The following TAFA1 variants were observed in gnomAD, a reference collection of about 807,000 sequenced individuals.
The protein encoded by TAFA1 is chemokine-like protein TAFA-1.
A neutral mutation model predicts 18.5 loss-of-function variants in TAFA1; 4 were observed. The observed-to-expected ratio is 0.22, with a 90% CI of 0.11 to 0.49. The LOEUF (loss-of-function observed/expected upper bound fraction) is 0.49. TAFA1 is among the 20% of genes least tolerant of loss of function. TAFA1 has a pLI of 0.98. For missense variants in TAFA1, 147 were observed against 169.0 expected (o/e 0.87, Z 0.72); for synonymous variants, 56 against 55.2 (o/e 1.01, Z -0.06).
At chr3:68,265,708 G>A (rs1412498874) in intron 2 of TAFA1, among the ~76,000 whole-genome samples, 1 of 152,178 alleles carries the variant, frequency 6.6e-6, no homozygotes, top group Non-Finnish European at 1.5e-5. Flanking sequence ...GCTCATTACA[G>A]AACTGGCGCA....
chr3:68,262,898 A>G (rs2067464365), intron 2 of TAFA1, among the ~76,000 whole-genome samples: 2 of 152,160 alleles, frequency 1.3e-5, no homozygotes, highest in Admixed American at 1.3e-4. Flanking sequence ...TAAATGTTGT[A>G]CGCATTTTAA....
At chr3:68,284,318 C>T (rs186560413) in intron 2 of TAFA1, among the ~76,000 whole-genome samples, 1 of 151,932 alleles carries the variant, frequency 6.6e-6, no homozygotes, top group African/African-American at 2.4e-5. Context: ...ATCAGAATGG[C>T]CAAAATATAA....
chr3:68,082,168 C>T (rs1028460041), intron 2 of TAFA1, among the ~76,000 whole-genome samples: 42 of 143,480 alleles, frequency 2.9e-4, no homozygotes, highest in African/African-American at 6.3e-4. Context: ...CACCCTGCTT[C>T]GGCTCGCGCA....
intron 2 of TAFA1, among the ~76,000 whole-genome samples, chr3:68,398,664 A>G (rs2070431225): frequency 6.6e-6 from 1 of 152,138 alleles, no homozygotes; most frequent in Admixed American, 6.6e-5. Context: ...GTTGAAATTT[A>G]TGTATTTTTT....
At chr3:68,295,556 G>T (rs1472568778) in intron 2 of TAFA1, among the ~76,000 whole-genome samples, 1 of 152,088 alleles carries the variant, frequency 6.6e-6, no homozygotes, top group East Asian at 1.9e-4. Flanking sequence ...GAGAAAGAAG[G>T]AAAGGAGAGA....
chr3:68,336,743 G>A (rs1220784447), intron 2 of TAFA1, among the ~76,000 whole-genome samples: 3 of 152,146 alleles, frequency 2.0e-5, no homozygotes, highest in Non-Finnish European at 4.4e-5. Flanking sequence ...TTTATTTATT[G>A]AGATGGAGTT....
chr3:68,148,955 G>A (rs1158076336), intron 2 of TAFA1, among the ~76,000 whole-genome samples: 1 of 152,128 alleles, frequency 6.6e-6, no homozygotes, highest in Non-Finnish European at 1.5e-5. Flanking sequence ...ATACATAAAA[G>A]AAATTTTTAA....
At chr3:68,247,396 CTGG>C (rs2107150018) in intron 2 of TAFA1, 1 of 152,332 alleles carries the variant, frequency 6.6e-6, no homozygotes, top group Admixed American at 6.5e-5. Context: ...AGTTCCAGCT[CTGG>C]TGAACTCCAG....
At chr3:68,427,844 C>G (rs1240087595) in intron 3 of TAFA1, among the ~76,000 whole-genome samples, 1 of 151,870 alleles carries the variant, frequency 6.6e-6, no homozygotes, top group African/African-American at 2.4e-5. Flanking sequence ...GTGAATAAGT[C>G]TCATGAGATC....
At chr3:68,119,230 T>G (rs1341108066) in intron 2 of TAFA1, among the ~76,000 whole-genome samples, 1 of 152,130 alleles carries the variant, frequency 6.6e-6, no homozygotes, top group Non-Finnish European at 1.5e-5. Context: ...AGCTGTTTGG[T>G]TTTGTTGTTG....
chr3:67,998,629 C>T, the TAFA1 span, among the ~76,000 whole-genome samples: 122 of 152,314 alleles, frequency 8.0e-4, no homozygotes, highest in Non-Finnish European at 1.4e-3. Context: ...CCAAAACAAT[C>T]GTTTCTCTTG....
At chr3:68,238,553 T>C (rs1383074037) in intron 2 of TAFA1, among the ~76,000 whole-genome samples, 2 of 152,172 alleles carry the variant, frequency 1.3e-5, no homozygotes, top group Non-Finnish European at 1.5e-5. Flanking sequence ...AAAATTTTAT[T>C]TCCTGATGAT....
chr3:68,415,156 A>G (rs570113110), intron 2 of TAFA1, among the ~76,000 whole-genome samples: 1 of 152,258 alleles, frequency 6.6e-6, no homozygotes, highest in East Asian at 1.9e-4. Flanking sequence ...ATTGTTTTGC[A>G]CGAGCCATTT....
At chr3:68,036,198 T>C (rs1705043471) in intron 2 of TAFA1, among the ~76,000 whole-genome samples, 1 of 152,160 alleles carries the variant, frequency 6.6e-6, no homozygotes. Context: ...TCTAGCACTT[T>C]GGGAGGCCAA....
At chr3:68,353,783 T>G (rs1491753) in intron 2 of TAFA1, among the ~76,000 whole-genome samples, 14,299 of 151,992 alleles carry the variant, frequency 0.094, 884 homozygotes, top group East Asian at 0.3. Context: ...TGTGATGAAC[T>G]CCGCAAGCAA....
intron 2 of TAFA1, among the ~76,000 whole-genome samples, chr3:68,290,629 T>C (rs927604445): frequency 1.3e-5 from 2 of 152,164 alleles, no homozygotes; most frequent in African/African-American, 4.8e-5. Context: ...GACAGCTTCC[T>C]AATTACCTTA....
At chr3:68,267,755 T>A (rs2067576761) in intron 2 of TAFA1, among the ~76,000 whole-genome samples, 1 of 152,206 alleles carries the variant, frequency 6.6e-6, no homozygotes. Context: ...TCAAGTCTTA[T>A]ATGACTCTAT....
chr3:68,351,544 T>C (rs1343919866), intron 2 of TAFA1, among the ~76,000 whole-genome samples: 3 of 152,044 alleles, frequency 2.0e-5, no homozygotes, highest in African/African-American at 7.2e-5. Context: ...TATATATTCA[T>C]GGGGGACACT....
At chr3:68,111,349 C>A (rs1447026191) in intron 2 of TAFA1, among the ~76,000 whole-genome samples, 1 of 151,858 alleles carries the variant, frequency 6.6e-6, no homozygotes, top group Non-Finnish European at 1.5e-5. Flanking sequence ...ATAATAATAA[C>A]CTTCAAAAAG....
Sources: allele counts gnomAD v4.1 joint callset (sites outside exome capture counted in the v4.1 genomes callset), GRCh38; gene constraint gnomAD v4.1.1; transcripts MANE v1.5; gene names NCBI Gene and HGNC (gene_info 2026-07-23, HGNC 2026-07-21).